Variants in FGR observed in about 807,000 individuals in gnomAD.
The protein encoded by FGR is FGR proto-oncogene, Src family tyrosine kinase.
In FGR, 26 loss-of-function variants were observed where a neutral mutation model predicts 63.2. That is an observed-to-expected ratio of 0.41 (90% CI 0.30 to 0.57). FGR has a LOEUF of 0.57. Among genes scored for constraint, FGR ranks in the 20% least tolerant of loss-of-function variants. The pLI is 0.27. For missense variants in FGR, 511 were observed against 690.8 expected (o/e 0.74, Z 2.92); for synonymous variants, 286 against 277.7 (o/e 1.03, Z -0.30).
chr1:27,620,153 C>A (rs1399420054), intron 5 of FGR, among the ~76,000 whole-genome samples: 2 of 151,758 alleles, frequency 1.3e-5, no homozygotes, highest in African/African-American at 4.8e-5. Context: ...CCCGTCTCTA[C>A]TAAAATTATA....
At chr1:27,633,889 G>A (rs2090140726) in intron 1 of FGR, among the ~76,000 whole-genome samples, 1 of 152,200 alleles carries the variant, frequency 6.6e-6, no homozygotes, top group African/African-American at 2.4e-5. Context: ...TCTCGTGGGG[G>A]AAGAGTGGAC....
intron 1 of FGR, among the ~76,000 whole-genome samples, chr1:27,631,902 G>A (rs953686194): frequency 1.3e-5 from 2 of 151,966 alleles, no homozygotes; most frequent in East Asian, 1.9e-4. Flanking sequence ...TGGGCTGGCC[G>A]GGGGCAGGCC....
chr1:27,615,761 A>G lies in FGR; in HGVS notation c.766T>C (p.Trp256Arg). 1 of 1,605,850 alleles carries G rather than the reference A, an allele frequency of 6.2e-7. No homozygotes were observed. Among genetic ancestry groups the G allele is most frequent in the South Asian group, 1.1e-5 (1 of 89,656 alleles). The change falls in exon 8 of 13, where the codon TGG (tryptophan) becomes CGG (arginine). Residue 256 changes from tryptophan to arginine, a missense_variant. Coordinates refer to ENST00000374005, the MANE Select transcript of FGR (RefSeq NM_005248.3). This position sits in a 1 kb window ranked among gnomAD's most constrained non-coding sequence, Gnocchi z 7.6. Reference protein sequence around the residue: ...PQTLGLAKDAWEISRSSITLE... With the variant: ...PQTLGLAKDAREISRSSITLE... ...GTGATGGAGCTGCGGCTGATCTCCC[A>G]GGCGTCCTTGGCCAGGCCCAGCGTC...
chr1:27,618,353 A>C (rs1357760436), intron 5 of FGR, among the ~76,000 whole-genome samples: 2 of 152,202 alleles, frequency 1.3e-5, no homozygotes, highest in African/African-American at 4.8e-5. Flanking sequence ...GCCTTAATAC[A>C]CGTATGTATT....
chr1:27,634,120 A>AG lies in FGR; in HGVS notation c.-77+944dup, dbSNP rs1207255353. Among the ~76,000 whole-genome samples the AG allele has an allele frequency of 5.1e-5, 7 of 137,156 alleles. No individual in the cohort carries two copies. The East Asian group carries it at 1.9e-3, about 36-fold the overall frequency. 90.0% of individuals were successfully genotyped at this position (137,156 alleles called of 152,430 possible). ...CACCCACCAGACCGAGGATTCCAAAAGGGGGCGAAGGCGGAGAGCAAAGGG... is the reference window on the plus strand; with the variant it reads ...CACCCACCAGACCGAGGATTCCAAAAGGGGGGCGAAGGCGGAGAGCAAAGGG... On this transcript the variant is annotated intron_variant, in intron 1 of 12. Transcript: ENST00000374005.
chr1:27,614,622 G>A lies in FGR; in HGVS notation c.1096-39C>T, dbSNP rs1393899259. 1.9e-6 allele frequency: 3 copies of A among 1,607,408 alleles called. No individual in the cohort carries two copies. In the African/African-American group the frequency reaches 4.0e-5, roughly 21 times the overall value. Reference sequence around the variant, plus strand: ...GTGTGGAGAGATGGGAGCTCATGTGGACTCACAACACCGTGGCCTGTTTGA... The same window carrying A: ...GTGTGGAGAGATGGGAGCTCATGTGAACTCACAACACCGTGGCCTGTTTGA... On this transcript the variant is annotated intron_variant, in intron 10 of 12. Coordinates refer to ENST00000374005, the MANE Select transcript of FGR (RefSeq NM_005248.3).
At chr1:27,634,158 C>T (rs1164103301) in intron 1 of FGR, among the ~76,000 whole-genome samples, 1 of 151,626 alleles carries the variant, frequency 6.6e-6, no homozygotes, top group African/African-American at 2.4e-5. Context: ...CTGCGCCCAC[C>T]CGGAGCCCCG....
At chr1:27,619,712 G>A (rs899186955) in intron 5 of FGR, among the ~76,000 whole-genome samples, 3 of 152,192 alleles carry the variant, frequency 2.0e-5, no homozygotes, top group South Asian at 4.1e-4. Flanking sequence ...TGGCAGCTTC[G>A]TCCACCTGGA....
intron 3 of FGR, chr1:27,623,349 A>G (rs1171414295): frequency 5.0e-6 from 3 of 599,008 alleles, no homozygotes; most frequent in African/African-American, 3.7e-5. Flanking sequence ...TCCTCCCACC[A>G]TGGAGGATCC....
Position 27,635,103 on chromosome 1 carries a change from C to T in FGR, c.-115G>A, listed in dbSNP as rs927287009. The T allele has an allele frequency of 1.3e-5, 2 of 152,316 alleles. No individual in the cohort carries two copies. The highest frequency in any genetic ancestry group is 4.8e-5 in the African/African-American group (2 of 41,440). 9.4% of individuals were successfully genotyped at this position (152,316 alleles called of 1,614,324 possible). ...CTGCCCGGCCCCGGGGTGAGCCAGC[C>T]GGGGCTCCAGCAGCCGCGAGTGCCG... On this transcript the variant is annotated 5_prime_UTR_variant, in exon 1 of 13. Coordinates refer to ENST00000374005, the MANE Select transcript of FGR (RefSeq NM_005248.3).
intron 1 of FGR, among the ~76,000 whole-genome samples, chr1:27,631,155 G>A (rs1348578747): frequency 6.6e-6 from 1 of 152,180 alleles, no homozygotes; most frequent in African/African-American, 2.4e-5. Flanking sequence ...TTCAAAGTCA[G>A]GACTATTAAT....
At chr1:27,627,691 C>A (rs1335774468) in intron 1 of FGR, among the ~76,000 whole-genome samples, 1 of 152,264 alleles carries the variant, frequency 6.6e-6, no homozygotes, top group African/African-American at 2.4e-5. Flanking sequence ...TCACTGCAAC[C>A]TCCGCCTCCT....
rs375415621 is a variant in FGR, at chr1:27,615,810, C to G, written c.717G>C (p.Ala239=). 17 of 1,598,268 alleles carry G rather than the reference C, an allele frequency of 1.1e-5. No individual in the cohort carries two copies. The highest frequency in any genetic ancestry group is 1.4e-5 in the Non-Finnish European group (16 of 1,172,352). The stretch of plus-strand genomic sequence containing the variant: ...TCTGCGGCTTCATGATGGTGCAGGG[C>G]GCGATGAGCAGGTTGCACAGCCCGT... ...VNDGLCNLLI[A]PCTIMKPQTL... The change falls in exon 8 of 13, where the codon GCG becomes GCC. Residue 239 remains alanine, a synonymous_variant. Transcript: ENST00000374005. The surrounding 1 kb of genome is among the most constrained non-coding windows in gnomAD (Gnocchi z 7.6).
chr1:27,634,455 C>G (rs1420834977), intron 1 of FGR, among the ~76,000 whole-genome samples: 1 of 152,190 alleles, frequency 6.6e-6, no homozygotes, highest in Non-Finnish European at 1.5e-5. Flanking sequence ...GGGCCGCGGT[C>G]GCGGCCGCTA....
In FGR at chr1:27,615,710, A is replaced by T; in HGVS notation, c.817T>A (p.Cys273Ser). ...GTACCCAGCCACACATCCCCGAAGC[A>T]GCCGGTGCCCAGCCGGCGCTCCAGC... The part of the protein sequence containing the change: ...ITLERRLGTG[C>S]FGDVWLGTWN... The change falls in exon 8 of 13, where the codon TGC (cysteine) becomes AGC (serine). Residue 273 changes from cysteine (C) to serine (S), a missense_variant. Cys to Ser is a moderately radical substitution (Grantham distance 112). Transcript: ENST00000374005. This position sits in a 1 kb window ranked among gnomAD's most constrained non-coding sequence, Gnocchi z 7.6. 2 of 1,605,602 alleles carry T rather than the reference A, an allele frequency of 1.2e-6. No homozygotes were observed. Among genetic ancestry groups the T allele is most frequent in the Non-Finnish European group, 1.7e-6 (2 of 1,174,122 alleles).
intron 4 of FGR, among the ~76,000 whole-genome samples, chr1:27,622,110 G>A (rs548687002): frequency 6.6e-6 from 1 of 152,076 alleles, no homozygotes; most frequent in South Asian, 2.1e-4. Context: ...TCAGGAGTTC[G>A]AGACCATCCT....
rs867751529 is a variant in FGR at position 27,617,323 on chromosome 1, G to T, written c.429-27C>A. 1.9e-6 allele frequency: 3 copies of T among 1,555,648 alleles called. No individual in the cohort carries two copies. The Middle Eastern group carries it at 5.0e-4, about 261-fold the overall frequency. On this transcript the variant is annotated intron_variant, in intron 5 of 12. Transcript: ENST00000374005. This position sits in a 1 kb window ranked among gnomAD's most constrained non-coding sequence, Gnocchi z 4.5. ...TGTTGGGAAAGGCAGGCAAGAGTCA[G>T]GTACGCTCTGCTCAAACCTCACCTC...
intron 4 of FGR, 117 bp from the exon 5 acceptor site, chr1:27,621,774 AC>A: frequency 1.7e-5 from 12 of 708,488 alleles, no homozygotes; most frequent in Admixed American, 2.1e-5. Context: ...CATCTTGGAC[AC>A]CCCCCACCAC....
rs756002424 is a variant in FGR at position 27,616,850 on chromosome 1, C to A, written c.682+7G>T. The A allele has an allele frequency of 1.9e-6, 3 of 1,613,784 alleles. No individual in the cohort carries two copies. The East Asian group carries it at 6.7e-5, about 36-fold the overall frequency. On this transcript the variant is annotated splice_region_variant and intron_variant, in intron 7 of 12. Coordinates refer to ENST00000374005, the MANE Select transcript of FGR (RefSeq NM_005248.3). The surrounding 1 kb of genome is among the most constrained non-coding windows in gnomAD (Gnocchi z 4.3). ...TTGGTTCAGGGATCTGAGGCCCCTG[C>A]CCTCACCCATGTAGTGCTGCACCAG...
Sources: allele counts gnomAD v4.1 joint callset (sites outside exome capture counted in the v4.1 genomes callset), GRCh38; gene constraint gnomAD v4.1.1; non-coding constraint Gnocchi (gnomAD v3.1); transcripts MANE v1.5; gene names NCBI Gene and HGNC (gene_info 2026-07-23, HGNC 2026-07-21).